The following RAB11FIP4 variants were observed in gnomAD, a reference collection of about 807,000 sequenced individuals.
The protein encoded by RAB11FIP4 is RAB11 family interacting protein 4.
A neutral mutation model predicts 74.3 loss-of-function variants in RAB11FIP4; 23 were observed. The observed-to-expected ratio is 0.31, with a 90% CI of 0.22 to 0.44. The LOEUF (loss-of-function observed/expected upper bound fraction) is 0.44. Among genes scored for constraint, RAB11FIP4 ranks in the 20% least tolerant of loss-of-function variants. The probability of loss-of-function intolerance (pLI) is 1.00; values close to 1 mark genes in which losing one functional copy is unlikely to be tolerated. For synonymous variants in RAB11FIP4, 360 were observed against 359.9 expected (o/e 1.00, Z 0.00); for missense variants, 630 against 863.9 (o/e 0.73, Z 3.39).
chr17:31,503,695 A>G (rs1271731567), intron 3 of RAB11FIP4, among the ~76,000 whole-genome samples: 1 of 149,814 alleles, frequency 6.7e-6, no homozygotes, highest in Non-Finnish European at 1.5e-5. Flanking sequence ...TGATCTGATC[A>G]TTTGAAACCA....
intron 3 of RAB11FIP4, among the ~76,000 whole-genome samples, chr17:31,444,351 C>CA (rs1384502482): frequency 2.7e-5 from 4 of 150,238 alleles, no homozygotes; most frequent in East Asian, 1.9e-4. Flanking sequence ...GTTTCAACAC[C>CA]CCCCCCACCC....
intron 3 of RAB11FIP4, among the ~76,000 whole-genome samples, chr17:31,501,599 G>A (rs1016967201): frequency 7.2e-5 from 11 of 152,108 alleles, no homozygotes; most frequent in African/African-American, 2.7e-4. Flanking sequence ...CGCGATCTCG[G>A]CTCACTGCAA....
intron 1 of RAB11FIP4, among the ~76,000 whole-genome samples, chr17:31,400,737 G>A (rs2070977304): frequency 6.6e-6 from 1 of 152,234 alleles, no homozygotes; most frequent in African/African-American, 2.4e-5. Flanking sequence ...GGGTGGGGAG[G>A]CAGAGAGGAA....
chr17:31,484,216 G>T (rs759540706), intron 3 of RAB11FIP4, among the ~76,000 whole-genome samples: 6 of 151,642 alleles, frequency 4.0e-5, no homozygotes, highest in Non-Finnish European at 8.8e-5. Flanking sequence ...GATTACAAGC[G>T]CTCGCCACTA....
At chr17:31,420,190 C>T (rs1047051105) in intron 1 of RAB11FIP4, among the ~76,000 whole-genome samples, 3 of 151,930 alleles carry the variant, frequency 2.0e-5, no homozygotes, top group African/African-American at 7.3e-5. Flanking sequence ...TCTAGTGTTC[C>T]CTTATTAGCC....
At chr17:31,482,483 C>T (rs1239867131) in intron 3 of RAB11FIP4, among the ~76,000 whole-genome samples, 1 of 151,610 alleles carries the variant, frequency 6.6e-6, no homozygotes, top group Non-Finnish European at 1.5e-5. Context: ...CTCAGTTACT[C>T]AGGAGGCGGA....
rs970765460 is a variant in RAB11FIP4 at position 31,532,627 on chromosome 17, A to G, written c.*895A>G. On this transcript the variant is annotated 3_prime_UTR_variant, in exon 15 of 15. Transcript: ENST00000621161. ...TCCCATCCCAGTCAGTTTCCTTCCC[A>G]TGGCTGCATCTTAAGATGGATGCAC... The G allele has an allele frequency of 6.6e-6, 1 of 152,286 alleles. No homozygotes were observed. The highest frequency in any genetic ancestry group is 2.4e-5 in the African/African-American group (1 of 41,442). The allele number at this position is 152,286 out of a possible 1,614,324, so 9.4% of individuals were successfully genotyped here.
chr17:31,505,790 C>T (rs547401953), intron 3 of RAB11FIP4, among the ~76,000 whole-genome samples: 1 of 142,846 alleles, frequency 7.0e-6, no homozygotes, highest in East Asian at 2.0e-4. Flanking sequence ...ACTGTATCCT[C>T]GAACTCGTGG....
intron 3 of RAB11FIP4, among the ~76,000 whole-genome samples, chr17:31,464,650 C>T (rs746063868): frequency 1.1e-4 from 17 of 150,126 alleles, no homozygotes; most frequent in Admixed American, 2.0e-4. Flanking sequence ...GAGGTTTCAC[C>T]ATGTTGGTCA....
intron 1 of RAB11FIP4, among the ~76,000 whole-genome samples, chr17:31,416,016 A>T (rs927919885): frequency 5.3e-5 from 8 of 152,010 alleles, no homozygotes; most frequent in Admixed American, 4.6e-4. Context: ...TTATAGATAC[A>T]GAAACTGAGG....
rs1264556825 is a variant in RAB11FIP4 at position 31,521,983 on chromosome 17, A to G, written c.827A>G (p.Gln276Arg). ...NSELLDVYCSQCCKKINLLND... is the reference protein window; with the variant it reads ...NSELLDVYCSRCCKKINLLND... ...GAATTGCTAGATGTTTACTGCTCTC[A>G]ATGCTGCAAGAAAATCAACCTGCTC... Residue 276 changes from glutamine (Q) to arginine (R), a missense_variant, in exon 6 of 15, where the codon CAA (glutamine) becomes CGA (arginine). Transcript: ENST00000621161. 6.2e-7 allele frequency: 1 copy of G among 1,614,066 alleles called. No individual in the cohort carries two copies. The highest frequency in any genetic ancestry group is 8.5e-7 in the Non-Finnish European group (1 of 1,180,046).
intron 3 of RAB11FIP4, among the ~76,000 whole-genome samples, chr17:31,491,880 T>G (rs1221601809): frequency 6.6e-6 from 1 of 152,208 alleles, no homozygotes; most frequent in African/African-American, 2.4e-5. Flanking sequence ...TGCCACAGAC[T>G]TCCCTGCCCT....
intron 14 of RAB11FIP4, 119 bp downstream of exon 14, chr17:31,530,588 C>T (rs1200229439): frequency 2.4e-5 from 31 of 1,311,816 alleles, no homozygotes; most frequent in Non-Finnish European, 2.3e-5. Flanking sequence ...GTCCCATCTA[C>T]AGCTACCCCA....
At chr17:31,410,280 A>G (rs1034674885) in intron 1 of RAB11FIP4, among the ~76,000 whole-genome samples, 5 of 152,136 alleles carry the variant, frequency 3.3e-5, no homozygotes, top group Non-Finnish European at 5.9e-5. Flanking sequence ...TCCATAAGTC[A>G]CTGGGATTGT....
intron 3 of RAB11FIP4, among the ~76,000 whole-genome samples, chr17:31,447,085 C>G (rs371795573): frequency 6.6e-6 from 1 of 152,124 alleles, no homozygotes; most frequent in African/African-American, 2.4e-5. Flanking sequence ...GAGATCGAGA[C>G]CATCCTGGCT....
At chr17:31,436,761 TTTG>T (rs2071361359) in intron 3 of RAB11FIP4, among the ~76,000 whole-genome samples, 1 of 147,658 alleles carries the variant, frequency 6.8e-6, no homozygotes, top group African/African-American at 2.5e-5. Context: ...TTGTTTTTTT[TTTG>T]TTTTTTTTTG....
At chr17:31,518,413 G>T (rs1257225493) in intron 4 of RAB11FIP4, 1 of 147,008 alleles carries the variant, frequency 6.8e-6, no homozygotes, top group African/African-American at 2.5e-5. Flanking sequence ...GATCAGCTTT[G>T]TTAAAAACAC....
intron 1 of RAB11FIP4, among the ~76,000 whole-genome samples, chr17:31,410,047 C>T (rs527944978): frequency 7.2e-5 from 11 of 152,126 alleles, no homozygotes; most frequent in Non-Finnish European, 1.5e-4. Context: ...TGGTGCCTCA[C>T]CTGCGAAATT....
At chr17:31,471,672 G>A (rs894470170) in intron 3 of RAB11FIP4, among the ~76,000 whole-genome samples, 1 of 152,120 alleles carries the variant, frequency 6.6e-6, no homozygotes, top group African/African-American at 2.4e-5. Flanking sequence ...GGTGCTGGGG[G>A]ACAGTCTGGG....
Sources: gnomAD v4.1 joint callset for allele counts (sites outside exome capture counted in the v4.1 genomes callset) on GRCh38, gnomAD v4.1.1 for gene constraint, MANE v1.5 for transcripts, NCBI Gene and HGNC (gene_info 2026-07-23, HGNC 2026-07-21) for gene names.